The following OR4K2 variants were observed in gnomAD, a reference collection of about 807,000 sequenced individuals.
OR4K2 encodes the protein olfactory receptor 4K2.
Under a neutral mutation model 10.5 loss-of-function variants are expected in OR4K2, and 8 were observed. The observed-to-expected ratio is 0.76, with a 90% CI of 0.45 to 1.37. OR4K2 has a LOEUF of 1.37. Ranked by LOEUF, OR4K2 falls within the 40% of genes most tolerant of loss-of-function variation. The pLI, the probability that OR4K2 is intolerant of heterozygous loss-of-function variation, is 0.00. For missense variants in OR4K2, 547 were observed against 379.5 expected (o/e 1.44, Z -3.67); for synonymous variants, 178 against 133.6 (o/e 1.33, Z -2.29).
At chr14:19,876,214 CTTT>C (rs35601631) in intron 1 of OR4K2, 28 bp from the exon 2 acceptor site, 42,294 of 622,638 alleles carry the variant, frequency 0.068, 133 homozygotes, top group African/African-American at 0.14. Context: ...TCTGACTTTC[CTTT>C]TTTTTTTTTT....
In OR4K2 at chr14:19,876,357, G is replaced by A. The variant is rs762201675; in HGVS notation, c.90G>A (p.Val30=). The change falls in exon 2 of 2, where the codon GTG becomes GTA. Residue 30 remains valine (V), a synonymous_variant. Transcript: ENST00000641885. ...SWELQMFFFM[V]FSLLYVATMV... is the part of the protein sequence containing the mutation. ...AACTACAGATGTTTTTCTTTATGGTGTTTTCATTGCTTTATGTGGCAACAA... is the reference window on the plus strand; with the variant it reads ...AACTACAGATGTTTTTCTTTATGGTATTTTCATTGCTTTATGTGGCAACAA... The A allele has an allele frequency of 3.7e-6, 6 of 1,613,580 alleles. No individual in the cohort carries two copies. In the East Asian group the frequency reaches 6.7e-5, roughly 18 times the overall value.
rs1463564916 is a variant in OR4K2, at chr14:19,877,111, C to CG, written c.844_845insG (p.Leu282ArgfsTer23). ...GTTTTATACCATCTTTACTCCCACT[C>CG]TGAACCCAATAATCTATACTTTGAG... On this transcript the variant is annotated frameshift_variant, in exon 2 of 2. Coordinates refer to ENST00000641885, the MANE Select transcript of OR4K2 (RefSeq NM_001005501.2). LOFTEE classifies it high-confidence loss of function. 6.2e-7 allele frequency: 1 copy of CG among 1,607,630 alleles called. No individual in the cohort carries two copies. The highest frequency in any genetic ancestry group is 8.5e-7 in the Non-Finnish European group (1 of 1,179,802).
rs1279208558 is a variant in OR4K2, at chr14:19,877,653, A to T, written c.*441A>T. The T allele has an allele frequency of 6.4e-6, 1 of 155,984 alleles. No individual in the cohort carries two copies. Among genetic ancestry groups the T allele is most frequent in the East Asian group, 1.9e-4 (1 of 5,304 alleles). 9.7% of individuals were successfully genotyped at this position (155,984 alleles called of 1,614,324 possible). A position where few individuals can be genotyped will look rare whatever the true frequency, so the allele number is the denominator to read the frequency against. ...GGATCTTAGCCTCTGACAGAGAAGC[A>T]ATGATTTTCCACATACGTTCCCAAG... is the stretch of plus-strand genomic sequence containing the variant. On this transcript the variant is annotated 3_prime_UTR_variant, in exon 2 of 2. Coordinates refer to ENST00000641885, the MANE Select transcript of OR4K2 (RefSeq NM_001005501.2).
At position 19,876,740 on chromosome 14, in the gene OR4K2, G is replaced by A. The variant is rs368329389; in HGVS notation, c.473G>A (p.Ser158Asn). 5.0e-6 allele frequency: 8 copies of A among 1,614,074 alleles called. No individual in the cohort carries two copies. Among genetic ancestry groups the A allele is most frequent in the Non-Finnish European group, 5.9e-6 (7 of 1,180,018 alleles). ...SWIMGVMHSM[S>N]QVIFALTLPF... ...ATTATGGGAGTTATGCATTCAATGAGTCAGGTCATATTTGCCCTCACGTTA... is the reference window on the plus strand; with the variant it reads ...ATTATGGGAGTTATGCATTCAATGAATCAGGTCATATTTGCCCTCACGTTA... Residue 158 changes from serine to asparagine, a missense_variant, in exon 2 of 2, where the codon AGT becomes AAT. Coordinates refer to ENST00000641885, the MANE Select transcript of OR4K2 (RefSeq NM_001005501.2).
chr14:19,880,142 G>T lies in OR4K2; in HGVS notation c.*2930G>T. ...CCCAACACAATTCTTCTTCCAATGT[G>T]GCCCAGAGAAGCCAAAACTTTGGAC... is the stretch of plus-strand genomic sequence containing the variant. On this transcript the variant is annotated 3_prime_UTR_variant, in exon 2 of 2. Coordinates refer to ENST00000641885, the MANE Select transcript of OR4K2 (RefSeq NM_001005501.2). 1 of 153,098 alleles carries T rather than the reference G, an allele frequency of 6.5e-6. No individual in the cohort carries two copies. Among genetic ancestry groups the T allele is most frequent in the South Asian group, 1.8e-4 (1 of 5,558 alleles). The allele number at this position is 153,098 out of a possible 1,614,324, so 9.5% of individuals were successfully genotyped here.
In OR4K2 at chr14:19,879,713, A is replaced by C. The variant is rs998325143; in HGVS notation, c.*2501A>C. On this transcript the variant is annotated 3_prime_UTR_variant, in exon 2 of 2. Transcript: ENST00000641885. ...ATATGTGAAGGAACTGGATATATGT[A>C]ATAGCAATAAAAACTACAAATTATG... 1 of 152,268 alleles carries C rather than the reference A, an allele frequency of 6.6e-6. No homozygotes were observed. Among genetic ancestry groups the C allele is most frequent in the Non-Finnish European group, 1.5e-5 (1 of 68,046 alleles). 9.4% of individuals were successfully genotyped at this position (152,268 alleles called of 1,614,324 possible).
Position 19,881,675 on chromosome 14 carries a change from T to G in OR4K2, c.*4463T>G, listed in dbSNP as rs1384856727. 1 of 152,252 alleles carries G rather than the reference T, an allele frequency of 6.6e-6. No individual in the cohort carries two copies. Among genetic ancestry groups the G allele is most frequent in the Middle Eastern group, 3.4e-3 (1 of 294 alleles). The allele number at this position is 152,252 out of a possible 1,614,324, so 9.4% of individuals were successfully genotyped here. ...GGTTTTTTTCCCCCATTAGCCTTTT[T>G]ATGACTACTAAATGCAAGACCACTG... is the stretch of plus-strand genomic sequence containing the variant. On this transcript the variant is annotated 3_prime_UTR_variant, in exon 2 of 2. Coordinates refer to ENST00000641885, the MANE Select transcript of OR4K2 (RefSeq NM_001005501.2).
chr14:19,876,825 G>A lies in OR4K2; in HGVS notation c.558G>A (p.Gln186=). The change falls in exon 2 of 2, where the codon CAG becomes CAA. Residue 186 remains glutamine (Q), a synonymous_variant. Transcript: ENST00000641885. ...SFFCDLPVVF[Q]LACVDTYVLG... ...TCTGTGACCTTCCTGTGGTGTTCCAGTTGGCTTGTGTGGATACTTATGTTC... is the reference window on the plus strand; with the variant it reads ...TCTGTGACCTTCCTGTGGTGTTCCAATTGGCTTGTGTGGATACTTATGTTC... 1 of 1,614,188 alleles carries A rather than the reference G, an allele frequency of 6.2e-7. No homozygotes were observed. The highest frequency in any genetic ancestry group is 8.5e-7 in the Non-Finnish European group (1 of 1,179,996).
chr14:19,876,529 G>C lies in OR4K2; in HGVS notation c.262G>C (p.Gly88Arg), dbSNP rs1385659816. Residue 88 changes from glycine to arginine, a missense_variant, in exon 2 of 2, where the codon GGT becomes CGT. By Grantham distance (125) the Gly-to-Arg change is moderately radical. Transcript: ENST00000641885. ...TPKMITDYLTGHKTISFDGCL... is the reference protein window; with the variant it reads ...TPKMITDYLTRHKTISFDGCL... Reference sequence around the variant, plus strand: ...AAAGATGATTACAGATTACCTAACAGGTCACAAAACCATCTCTTTTGATGG... The same window carrying C: ...AAAGATGATTACAGATTACCTAACACGTCACAAAACCATCTCTTTTGATGG... The C allele has an allele frequency of 2.5e-6, 4 of 1,614,114 alleles. No individual in the cohort carries two copies. The highest frequency in any genetic ancestry group is 3.4e-6 in the Non-Finnish European group (4 of 1,179,992).
rs1880911962 is a variant in OR4K2, at chr14:19,876,704, T to C, written c.437T>C (p.Val146Ala). The change falls in exon 2 of 2, where the codon GTG becomes GCG. Residue 146 changes from valine to alanine, a missense_variant. Val to Ala is a moderately conservative substitution (Grantham distance 64). Coordinates refer to ENST00000641885, the MANE Select transcript of OR4K2 (RefSeq NM_001005501.2). ...CCCCAGGTGTGTGTTGCTCTCGTGGTGGCTTCCTGGATTATGGGAGTTATG... is the reference window on the plus strand; with the variant it reads ...CCCCAGGTGTGTGTTGCTCTCGTGGCGGCTTCCTGGATTATGGGAGTTATG... ...ISPQVCVALVVASWIMGVMHS... is the reference protein window; with the variant it reads ...ISPQVCVALVAASWIMGVMHS... 6.2e-7 allele frequency: 1 copy of C among 1,613,998 alleles called. No individual in the cohort carries two copies. Among genetic ancestry groups the C allele is most frequent in the South Asian group, 1.1e-5 (1 of 91,080 alleles).
In OR4K2 at chr14:19,876,920, A is replaced by G. The variant is rs1166270456; in HGVS notation, c.653A>G (p.Tyr218Cys). ...LSCFIVLFNSYVIVLVTVKHH... is the reference protein window; with the variant it reads ...LSCFIVLFNSCVIVLVTVKHH... The stretch of plus-strand genomic sequence containing the variant: ...TGTTTTATTGTTTTATTTAATTCAT[A>G]TGTTATTGTCCTGGTTACTGTGAAG... Residue 218 changes from tyrosine (Y) to cysteine (C), a missense_variant, in exon 2 of 2, where the codon TAT (tyrosine) becomes TGT (cysteine). Physicochemically the swap from Tyr to Cys is radical, Grantham distance 194. Coordinates refer to ENST00000641885, the MANE Select transcript of OR4K2 (RefSeq NM_001005501.2). 1.2e-6 allele frequency: 2 copies of G among 1,614,034 alleles called. No homozygotes were observed. Among genetic ancestry groups the G allele is most frequent in the East Asian group, 2.2e-5 (1 of 44,904 alleles).
At position 19,876,505 on chromosome 14, in the gene OR4K2, A is replaced by G. The variant is rs182950647; in HGVS notation, c.238A>G (p.Lys80Glu). 5.0e-6 allele frequency: 8 copies of G among 1,614,158 alleles called. No homozygotes were observed. Among genetic ancestry groups the G allele is most frequent in the East Asian group, 4.5e-5 (2 of 44,892 alleles). The change falls in exon 2 of 2, where the codon AAG becomes GAG. Residue 80 changes from lysine to glutamate, a missense_variant. Transcript: ENST00000641885. ...DMSLASFATP[K>E]MITDYLTGHK... ...GTCTCTTGCTTCTTTCGCCACCCCA[A>G]AGATGATTACAGATTACCTAACAGG...
chr14:19,881,781 C>A lies in OR4K2; in HGVS notation c.*4569C>A, dbSNP rs1184599280. On this transcript the variant is annotated 3_prime_UTR_variant, in exon 2 of 2. Coordinates refer to ENST00000641885, the MANE Select transcript of OR4K2 (RefSeq NM_001005501.2). ...CAAAAGCCAGATTTTTCTCCCTTTG[C>A]TCACTTGCCACCTGTTAAAGAAAAT... 2.0e-5 allele frequency: 3 copies of A among 151,904 alleles called. No individual in the cohort carries two copies. The highest frequency in any genetic ancestry group is 7.2e-5 in the African/African-American group (3 of 41,424). 9.4% of individuals were successfully genotyped at this position (151,904 alleles called of 1,614,324 possible). A position where few individuals can be genotyped will look rare whatever the true frequency, so the allele number is the denominator to read the frequency against.
rs1277826424 is a variant in OR4K2 at position 19,881,055 on chromosome 14, C to G, written c.*3843C>G. ...TTAAAAAACTACCAGTGAATCTATT[C>G]TCTACATGTGAGTTTTTAAACAACT... On this transcript the variant is annotated 3_prime_UTR_variant, in exon 2 of 2. Coordinates refer to ENST00000641885, the MANE Select transcript of OR4K2 (RefSeq NM_001005501.2). The G allele has an allele frequency of 6.6e-6, 1 of 152,222 alleles. No homozygotes were observed. The highest frequency in any genetic ancestry group is 1.5e-5 in the Non-Finnish European group (1 of 68,034). The allele number at this position is 152,222 out of a possible 1,614,324, so 9.4% of individuals were successfully genotyped here. A position where few individuals can be genotyped will look rare whatever the true frequency, so the allele number is the denominator to read the frequency against.
Position 19,881,402 on chromosome 14 carries a change from G to A in OR4K2, c.*4190G>A, listed in dbSNP as rs1468924551. 2 of 152,200 alleles carry A rather than the reference G, an allele frequency of 1.3e-5. No homozygotes were observed. Among genetic ancestry groups the A allele is most frequent in the Admixed American group, 6.5e-5 (1 of 15,268 alleles). The allele number at this position is 152,200 out of a possible 1,614,324, so 9.4% of individuals were successfully genotyped here. A position where few individuals can be genotyped will look rare whatever the true frequency, so the allele number is the denominator to read the frequency against. ...GAGCGTGTAGGACCAACACTCAAAT[G>A]AGACTGGAAATGTGACTGGGATCAT... On this transcript the variant is annotated 3_prime_UTR_variant, in exon 2 of 2. Transcript: ENST00000641885.
In OR4K2 at chr14:19,878,245, G is replaced by T. The variant is rs1880959209; in HGVS notation, c.*1033G>T. ...TACTACCACCTGCTGGTACTAACTG[G>T]AATTGCAAGTATTGAAAGAGGAAAA... is the stretch of plus-strand genomic sequence containing the variant. On this transcript the variant is annotated 3_prime_UTR_variant, in exon 2 of 2. Coordinates refer to ENST00000641885, the MANE Select transcript of OR4K2 (RefSeq NM_001005501.2). 1 of 152,142 alleles carries T rather than the reference G, an allele frequency of 6.6e-6. No individual in the cohort carries two copies. Among genetic ancestry groups the T allele is most frequent in the Non-Finnish European group, 1.5e-5 (1 of 67,986 alleles). The allele number at this position is 152,142 out of a possible 1,614,324, so 9.4% of individuals were successfully genotyped here.
chr14:19,875,971 T>C lies in OR4K2; in HGVS notation c.-187T>C, dbSNP rs902680646. ...AGATGGACAAATAGGTAGGTATGTC[T>C]GTTCAGAATGATATTATCTTGGTTG... On this transcript the variant is annotated 5_prime_UTR_variant, in exon 1 of 2. Coordinates refer to ENST00000641885, the MANE Select transcript of OR4K2 (RefSeq NM_001005501.2). 2.8e-6 allele frequency: 1 copy of C among 357,048 alleles called. No homozygotes were observed. The highest frequency in any genetic ancestry group is 5.1e-6 in the Non-Finnish European group (1 of 197,042). 22.1% of individuals were successfully genotyped at this position (357,048 alleles called of 1,614,324 possible).
chr14:19,875,429 A>G lies in OR4K2; in HGVS notation c.-729A>G, dbSNP rs1880870056. 1 of 152,270 alleles carries G rather than the reference A, an allele frequency of 6.6e-6. No individual in the cohort carries two copies. The allele number at this position is 152,270 out of a possible 1,614,324, so 9.4% of individuals were successfully genotyped here. A position where few individuals can be genotyped will look rare whatever the true frequency, so the allele number is the denominator to read the frequency against. Reference sequence around the variant, plus strand: ...ATATGTTAACATTTACAGAAGAAGAATTCAAACAGAGGTGAAATGAAAGAG... The same window carrying G: ...ATATGTTAACATTTACAGAAGAAGAGTTCAAACAGAGGTGAAATGAAAGAG... On this transcript the variant is annotated 5_prime_UTR_variant, in exon 1 of 2. Transcript: ENST00000641885.
In OR4K2 at chr14:19,879,136, G is replaced by A. The variant is rs1451255667; in HGVS notation, c.*1924G>A. 6.6e-6 allele frequency: 1 copy of A among 152,110 alleles called. No individual in the cohort carries two copies. The highest frequency in any genetic ancestry group is 1.5e-5 in the Non-Finnish European group (1 of 68,022). The allele number at this position is 152,110 out of a possible 1,614,324, so 9.4% of individuals were successfully genotyped here. A position where few individuals can be genotyped will look rare whatever the true frequency, so the allele number is the denominator to read the frequency against. On this transcript the variant is annotated 3_prime_UTR_variant, in exon 2 of 2. Coordinates refer to ENST00000641885, the MANE Select transcript of OR4K2 (RefSeq NM_001005501.2). ...AATAATGAGATTAAGTAGTTGGATT[G>A]ATAGTAAAATTCTGTGGCTGATAAT...
Sources: allele counts gnomAD v4.1 joint callset, GRCh38; gene constraint gnomAD v4.1.1; transcripts MANE v1.5; gene names NCBI Gene and HGNC (gene_info 2026-07-23, HGNC 2026-07-21).